Variants in FYB1 observed in about 807,000 individuals in gnomAD.
FYB1 encodes the protein FYN binding protein 1, also known as FYN-binding protein 1.
Under a neutral mutation model 94.1 loss-of-function variants are expected in FYB1, and 41 were observed. The observed-to-expected ratio is 0.44, with a 90% CI of 0.34 to 0.57. FYB1 has a LOEUF of 0.57. FYB1 is among the 20% of genes least tolerant of loss of function. FYB1 has a pLI of 0.02. For synonymous variants in FYB1, 367 were observed against 353.2 expected (o/e 1.04, Z -0.44); for missense variants, 1,050 against 976.8 (o/e 1.07, Z -1.00).
intron 2 of FYB1, among the ~76,000 whole-genome samples, chr5:39,178,822 T>C (rs974043015): frequency 1.3e-5 from 2 of 152,202 alleles, no homozygotes; most frequent in Admixed American, 6.5e-5. Context: ...TTTTAACACA[T>C]TGCAATAGTT....
intron 1 of FYB1, among the ~76,000 whole-genome samples, chr5:39,273,743 G>C (rs1269053254): frequency 6.6e-6 from 1 of 152,124 alleles, no homozygotes; most frequent in Admixed American, 6.5e-5. Context: ...TGCCCCTTCA[G>C]TACTCACTGA....
At chr5:39,193,012 C>T (rs1031666523) in intron 2 of FYB1, among the ~76,000 whole-genome samples, 2 of 150,544 alleles carry the variant, frequency 1.3e-5, no homozygotes, top group African/African-American at 2.4e-5. Context: ...AATGATGGCC[C>T]TCAAGGCATT....
intron 2 of FYB1, among the ~76,000 whole-genome samples, chr5:39,173,795 G>T (rs947919833): frequency 1.3e-5 from 2 of 152,092 alleles, no homozygotes; most frequent in South Asian, 2.1e-4. Flanking sequence ...CTGTTCAGCT[G>T]GTCTATATGT....
chr5:39,169,426 A>G, intron 2 of FYB1: 1 of 743,494 alleles, frequency 1.3e-6, no homozygotes. Flanking sequence ...GTGCCATTAA[A>G]AAGAACAGGA....
intron 16 of FYB1, among the ~76,000 whole-genome samples, chr5:39,113,550 G>A (rs1739261632): frequency 6.6e-6 from 1 of 152,144 alleles, no homozygotes; most frequent in Non-Finnish European, 1.5e-5. Flanking sequence ...CAGTGCAGAT[G>A]TGTCTCAGGA....
intron 1 of FYB1, among the ~76,000 whole-genome samples, chr5:39,267,898 A>T (rs1752498678): frequency 6.6e-6 from 1 of 152,244 alleles, no homozygotes; most frequent in South Asian, 2.1e-4. Context: ...AATGCTTGTG[A>T]CAGTCTTGTC....
intron 1 of FYB1, among the ~76,000 whole-genome samples, chr5:39,218,510 A>G (rs1046877367): frequency 6.6e-6 from 1 of 152,314 alleles, no homozygotes; most frequent in East Asian, 1.9e-4. Flanking sequence ...ACGCAGAATT[A>G]TTTGTATTTA....
upstream of FYB1, among the ~76,000 whole-genome samples, chr5:39,223,477 C>T (rs1314490099): frequency 1.3e-5 from 2 of 152,016 alleles, no homozygotes; most frequent in Non-Finnish European, 2.9e-5. Context: ...TCACTAAAGG[C>T]CTTCATAAAT....
intron 2 of FYB1, among the ~76,000 whole-genome samples, chr5:39,194,324 C>T (rs79619036): frequency 0.014 from 2,202 of 152,016 alleles, 59 homozygotes; most frequent in African/African-American, 0.05. Flanking sequence ...AGTTTTAGAC[C>T]ATCTTGGACA....
rs910057151 is a variant in FYB1 at position 39,107,076 on chromosome 5, T to C, written c.*367A>G. Reference sequence around the variant, plus strand: ...ATATTATTATTCTTCCTTAGGTTTTTTTAGACAGGTCATTTCTTCCTGAAT... The same window carrying C: ...ATATTATTATTCTTCCTTAGGTTTTCTTAGACAGGTCATTTCTTCCTGAAT... On this transcript the variant is annotated 3_prime_UTR_variant, in exon 19 of 19. Coordinates refer to ENST00000512982, the MANE Select transcript of FYB1 (RefSeq NM_001465.6). 6.4e-6 allele frequency: 1 copy of C among 157,296 alleles called. No homozygotes were observed. The highest frequency in any genetic ancestry group is 2.4e-5 in the African/African-American group (1 of 41,668). The allele number at this position is 157,296 out of a possible 1,614,324, so 9.7% of individuals were successfully genotyped here.
At chr5:39,206,678 G>A (rs1018593966) in intron 1 of FYB1, among the ~76,000 whole-genome samples, 4 of 152,250 alleles carry the variant, frequency 2.6e-5, no homozygotes, top group Admixed American at 6.5e-5. Flanking sequence ...GCAATGTTCC[G>A]TTTTAATCTC....
chr5:39,205,364 A>C (rs1360812167), intron 1 of FYB1, among the ~76,000 whole-genome samples: 1 of 152,226 alleles, frequency 6.6e-6, no homozygotes, highest in African/African-American at 2.4e-5. Flanking sequence ...AATGGGAATA[A>C]TAATGTGTAG....
intron 2 of FYB1, among the ~76,000 whole-genome samples, chr5:39,162,232 C>T (rs2150377428): frequency 6.6e-6 from 1 of 152,286 alleles, no homozygotes; most frequent in Admixed American, 6.5e-5. Flanking sequence ...CCATATTCAA[C>T]CTTCTGAGGA....
At chr5:39,222,221 G>A (rs549800523), upstream of FYB1, among the ~76,000 whole-genome samples, 20 of 152,056 alleles carry the variant, frequency 1.3e-4, no homozygotes, top group South Asian at 1.0e-3. Flanking sequence ...GAGCTCTGGC[G>A]TCTTGTACTC....
intron 17 of FYB1, 27 bp downstream of exon 17, chr5:39,110,329 C>A: frequency 6.6e-7 from 1 of 1,513,018 alleles, no homozygotes; most frequent in Non-Finnish European, 9.1e-7. Flanking sequence ...TTTTCACAAG[C>A]ATAGTAGTAG....
rs369879337 is a variant in FYB1 at position 39,202,902 on chromosome 5, G to C, written c.59C>G (p.Pro20Arg). Reference sequence around the variant, plus strand: ...TGAGTTTGGCCCTGTGACTCTGAAGGGTCGGCTATTGACTGAGACATCCTC... The same window carrying C: ...TGAGTTTGGCCCTGTGACTCTGAAGCGTCGGCTATTGACTGAGACATCCTC... Reference protein sequence around the residue: ...PTEDVSVNSRPFRVTGPNSSS... With the variant: ...PTEDVSVNSRRFRVTGPNSSS... The change falls in exon 2 of 19, where the codon CCC becomes CGC. Residue 20 changes from proline to arginine, a missense_variant. Coordinates refer to ENST00000512982, the MANE Select transcript of FYB1 (RefSeq NM_001465.6). The C allele has an allele frequency of 6.2e-7, 1 of 1,613,944 alleles. No homozygotes were observed. The highest frequency in any genetic ancestry group is 1.1e-5 in the South Asian group (1 of 91,076).
chr5:39,186,950 A>G (rs1746878374), intron 2 of FYB1, among the ~76,000 whole-genome samples: 1 of 152,164 alleles, frequency 6.6e-6, no homozygotes, highest in South Asian at 2.1e-4. Flanking sequence ...TTGGGGTCCT[A>G]CAGTAATTGG....
At chr5:39,117,868 C>A (rs971795092) in intron 16 of FYB1, among the ~76,000 whole-genome samples, 13 of 152,048 alleles carry the variant, frequency 8.5e-5, no homozygotes, top group African/African-American at 3.1e-4. Context: ...ATATTTCCAT[C>A]TGTCAGTTTT....
At chr5:39,108,469 C>G (rs977245321) in intron 17 of FYB1, among the ~76,000 whole-genome samples, 4 of 151,966 alleles carry the variant, frequency 2.6e-5, no homozygotes, top group Non-Finnish European at 4.4e-5. Flanking sequence ...ATTTTACATA[C>G]AGAATAATTA....
Sources: gnomAD v4.1 joint callset for allele counts (sites outside exome capture counted in the v4.1 genomes callset) on GRCh38, gnomAD v4.1.1 for gene constraint, MANE v1.5 for transcripts, NCBI Gene and HGNC (gene_info 2026-07-23, HGNC 2026-07-21) for gene names.